CSMD1: variants seen among roughly 807,000 people sequenced by gnomAD.
The protein encoded by CSMD1 is CUB and Sushi multiple domains 1.
In CSMD1, 213 loss-of-function variants were observed where a neutral mutation model predicts 417.5. The observed-to-expected ratio is 0.51, with a 90% CI of 0.46 to 0.57. The LOEUF is 0.57. Among genes scored for constraint, CSMD1 ranks in the 20% least tolerant of loss-of-function variants. CSMD1 has a pLI of 0.00. For synonymous variants in CSMD1, 2,862 were observed against 1,736.8 expected (o/e 1.65, Z -16.11); for missense variants, 6,923 against 4,529.7 (o/e 1.53, Z -15.17).
chr8:3,816,415 A>G (rs1801368328), intron 5 of CSMD1, among the ~76,000 whole-genome samples: 1 of 152,114 alleles, frequency 6.6e-6, no homozygotes, highest in Non-Finnish European at 1.5e-5. Flanking sequence ...CATTCACATA[A>G]CTTTTATTAT....
At chr8:3,748,674 TG>T (rs1797173120) in intron 6 of CSMD1, among the ~76,000 whole-genome samples, 1 of 152,210 alleles carries the variant, frequency 6.6e-6, no homozygotes, top group African/African-American at 2.4e-5. Flanking sequence ...CATTGGAGAA[TG>T]GGGAATGCAT....
At chr8:4,436,268 T>C (rs1798143790) in intron 2 of CSMD1, among the ~76,000 whole-genome samples, 2 of 152,200 alleles carry the variant, frequency 1.3e-5, no homozygotes, top group Admixed American at 1.3e-4. Context: ...AATATTTTAA[T>C]ACCCACCTTG....
chr8:3,006,925 G>T (rs1413927200), intron 52 of CSMD1, among the ~76,000 whole-genome samples: 2 of 140,408 alleles, frequency 1.4e-5, no homozygotes, highest in Non-Finnish European at 3.0e-5. Context: ...TGACAAATGG[G>T]ATCTAATTAA....
chr8:4,099,609 C>G (rs1358720569), intron 3 of CSMD1, among the ~76,000 whole-genome samples: 1 of 150,680 alleles, frequency 6.6e-6, no homozygotes, highest in Non-Finnish European at 1.5e-5. Context: ...AACCATCCCC[C>G]AATTAAAAAA....
intron 1 of CSMD1, among the ~76,000 whole-genome samples, chr8:4,813,805 T>A (rs774876764): frequency 2.0e-5 from 3 of 152,212 alleles, no homozygotes; most frequent in Non-Finnish European, 2.9e-5. Flanking sequence ...AGGGTTGCCA[T>A]CGAATTTCAT....
chr8:3,734,360 C>T (rs1020908297), intron 6 of CSMD1, among the ~76,000 whole-genome samples: 3 of 152,234 alleles, frequency 2.0e-5, no homozygotes, highest in Middle Eastern at 3.4e-3. Context: ...TCGACAGCAT[C>T]GTAGAAAAAT....
intron 5 of CSMD1, among the ~76,000 whole-genome samples, chr8:3,859,062 G>T (rs1442731082): frequency 1.3e-5 from 2 of 152,156 alleles, no homozygotes; most frequent in Non-Finnish European, 2.9e-5. Context: ...CATTATTCAT[G>T]TGTTATGTGA....
intron 1 of CSMD1, among the ~76,000 whole-genome samples, chr8:4,703,143 GA>G (rs1807693097): frequency 6.6e-6 from 1 of 152,138 alleles, no homozygotes; most frequent in Non-Finnish European, 1.5e-5. Context: ...ATATCTGGCA[GA>G]AAAAAGTATG....
At chr8:3,834,102 T>C (rs1254811068) in intron 5 of CSMD1, among the ~76,000 whole-genome samples, 1 of 152,228 alleles carries the variant, frequency 6.6e-6, no homozygotes, top group Admixed American at 6.5e-5. Flanking sequence ...CTTAAAATTG[T>C]TTTTGTTTTC....
intron 1 of CSMD1, among the ~76,000 whole-genome samples, chr8:4,768,676 G>C (rs942523657): frequency 2.0e-5 from 3 of 152,284 alleles, no homozygotes; most frequent in Middle Eastern, 3.4e-3. Flanking sequence ...GGAGGGAAAG[G>C]TGTTGGCGTT....
At chr8:3,941,535 C>T (rs1307399832) in intron 5 of CSMD1, among the ~76,000 whole-genome samples, 2 of 152,126 alleles carry the variant, frequency 1.3e-5, no homozygotes, top group Non-Finnish European at 2.9e-5. Context: ...TTTTAAAGTG[C>T]TCTCTCTCCG....
chr8:3,763,274 C>T (rs1045413185), intron 5 of CSMD1, among the ~76,000 whole-genome samples: 11 of 152,072 alleles, frequency 7.2e-5, no homozygotes, highest in African/African-American at 2.4e-4. Context: ...TATTTTGTCT[C>T]CTCCAAATCT....
chr8:3,494,291 C>G (rs889519124), intron 10 of CSMD1, among the ~76,000 whole-genome samples: 4 of 152,102 alleles, frequency 2.6e-5, no homozygotes, highest in African/African-American at 9.7e-5. Context: ...ACCAAGACAT[C>G]TGTACAACAA....
At chr8:3,488,583 G>A (rs552546554) in intron 11 of CSMD1, among the ~76,000 whole-genome samples, 59 of 152,230 alleles carry the variant, frequency 3.9e-4, no homozygotes, top group Non-Finnish European at 6.9e-4. Context: ...TATATCAGTA[G>A]GCTAATTCCT....
chr8:3,706,616 G>T (rs939518945), intron 7 of CSMD1, among the ~76,000 whole-genome samples: 16 of 152,246 alleles, frequency 1.1e-4, no homozygotes, highest in Admixed American at 5.9e-4. Flanking sequence ...AAGAAAAAAA[G>T]CTCTGCCTCA....
intron 54 of CSMD1, among the ~76,000 whole-genome samples, chr8:2,989,320 T>C (rs1806184402): frequency 6.6e-6 from 1 of 152,196 alleles, no homozygotes; most frequent in African/African-American, 2.4e-5. Context: ...AAATTCTGTG[T>C]ACTAGATTGA....
chr8:4,811,268 C>T (rs781268572), intron 1 of CSMD1, among the ~76,000 whole-genome samples: 5 of 152,122 alleles, frequency 3.3e-5, no homozygotes, highest in African/African-American at 4.8e-5. Context: ...TCAATTTAAC[C>T]TGCTTAAATT....
At chr8:4,419,642 C>G (rs771882994) in intron 3 of CSMD1, among the ~76,000 whole-genome samples, 12 of 152,176 alleles carry the variant, frequency 7.9e-5, no homozygotes, top group African/African-American at 2.2e-4. Flanking sequence ...AAAATGAACT[C>G]TTTACCACGT....
intron 17 of CSMD1, among the ~76,000 whole-genome samples, chr8:3,389,860 A>G (rs1218294872): frequency 6.6e-6 from 1 of 152,202 alleles, no homozygotes; most frequent in Non-Finnish European, 1.5e-5. Flanking sequence ...ACTTCCATTC[A>G]TTTTTAAATA....
Sources: allele counts gnomAD v4.1 joint callset (sites outside exome capture counted in the v4.1 genomes callset), GRCh38; gene constraint gnomAD v4.1.1; transcripts MANE v1.5; gene names NCBI Gene and HGNC (gene_info 2026-07-23, HGNC 2026-07-21).